The following SLC30A9 variants were observed in gnomAD, a reference collection of about 807,000 sequenced individuals.
SLC30A9 encodes proton-coupled zinc antiporter SLC30A9, mitochondrial.
Under a neutral mutation model 87.5 loss-of-function variants are expected in SLC30A9, and 58 were observed. The observed-to-expected ratio is 0.66, with a 90% CI of 0.54 to 0.82. SLC30A9 has a LOEUF of 0.82. SLC30A9 is among the 40% of genes least tolerant of loss of function. SLC30A9 has a pLI of 0.00. For synonymous variants in SLC30A9, 234 were observed against 233.0 expected (o/e 1.00, Z -0.04); for missense variants, 557 against 679.1 (o/e 0.82, Z 2.00).
chr4:42,073,026 G>T (rs1316590905), intron 15 of SLC30A9, among the ~76,000 whole-genome samples: 1 of 149,984 alleles, frequency 6.7e-6, no homozygotes, highest in Non-Finnish European at 1.5e-5. Flanking sequence ...TGGCCATGTT[G>T]GCCAGGCTGG....
At chr4:42,026,793 C>T (rs996212597) in intron 6 of SLC30A9, among the ~76,000 whole-genome samples, 1 of 151,392 alleles carries the variant, frequency 6.6e-6, no homozygotes, top group Admixed American at 6.6e-5. Flanking sequence ...GAACTAACTG[C>T]CAGTTCATTT....
intron 1 of SLC30A9, among the ~76,000 whole-genome samples, chr4:41,997,159 C>CAAA (rs5857827): frequency 6.8e-5 from 10 of 147,362 alleles, no homozygotes; most frequent in African/African-American, 2.5e-4. Context: ...TTTCCTAACT[C>CAAA]AAAAAAAAAA....
intron 1 of SLC30A9, among the ~76,000 whole-genome samples, chr4:41,999,778 A>G (rs1027650467): frequency 1.4e-4 from 21 of 152,296 alleles, no homozygotes; most frequent in African/African-American, 4.8e-4. Context: ...TTCACATAGA[A>G]ACTGGAAAAA....
intron 14 of SLC30A9, among the ~76,000 whole-genome samples, chr4:42,069,261 TATGTA>T (rs1718208127): frequency 6.6e-6 from 1 of 152,234 alleles, no homozygotes; most frequent in Admixed American, 6.5e-5. Flanking sequence ...TTTACAAAAA[TATGTA>T]ATGTGTTTTA....
chr4:42,028,683 A>G (rs555071720), intron 6 of SLC30A9, among the ~76,000 whole-genome samples: 1 of 152,338 alleles, frequency 6.6e-6, no homozygotes, highest in Non-Finnish European at 1.5e-5. Flanking sequence ...CAATAGTATC[A>G]CCTTTGAACT....
At chr4:42,041,777 G>A (rs982785773) in intron 8 of SLC30A9, among the ~76,000 whole-genome samples, 3 of 152,178 alleles carry the variant, frequency 2.0e-5, no homozygotes, top group Admixed American at 6.5e-5. Context: ...CAAGATGGCT[G>A]GATAGGAACA....
At chr4:42,003,730 C>T (rs1715077384) in intron 2 of SLC30A9, among the ~76,000 whole-genome samples, 1 of 150,770 alleles carries the variant, frequency 6.6e-6, no homozygotes, top group Admixed American at 6.7e-5. Context: ...TATCATGTTT[C>T]CTTGTCCTGT....
chr4:41,998,650 G>A (rs1714844924), intron 1 of SLC30A9, among the ~76,000 whole-genome samples: 1 of 152,002 alleles, frequency 6.6e-6, no homozygotes, highest in South Asian at 2.1e-4. Flanking sequence ...ATTTTTAGTA[G>A]AGATGGGGTT....
intron 9 of SLC30A9, 21 bp downstream of exon 9, chr4:42,049,500 TA>T: frequency 7.6e-7 from 1 of 1,308,298 alleles, no homozygotes; most frequent in East Asian, 2.4e-5. Flanking sequence ...AAGCTTTTTT[TA>T]TAAGTCAATT....
intron 2 of SLC30A9, among the ~76,000 whole-genome samples, chr4:42,006,017 T>C (rs533503929): frequency 8.1e-4 from 124 of 152,360 alleles, no homozygotes; most frequent in Non-Finnish European, 1.6e-3. Flanking sequence ...GCTGCATCTG[T>C]ACTGAACATA....
rs1253072876 is a variant in SLC30A9, at chr4:42,088,195, A to C, written c.*2069A>C. ...CATAAAGGAGTACAACATATCAAGG[A>C]ATTTGAGTATTTATGTGGAATCAGG... is the stretch of plus-strand genomic sequence containing the variant. On this transcript the variant is annotated 3_prime_UTR_variant, in exon 18 of 18. Transcript: ENST00000264451. 1 of 152,196 alleles carries C rather than the reference A, an allele frequency of 6.6e-6. No homozygotes were observed. The highest frequency in any genetic ancestry group is 1.5e-5 in the Non-Finnish European group (1 of 68,034). 9.4% of individuals were successfully genotyped at this position (152,196 alleles called of 1,614,324 possible).
Position 42,086,940 on chromosome 4 carries a change from A to G in SLC30A9, c.*814A>G, listed in dbSNP as rs73812718. The G allele has an allele frequency of 6.4e-3, 973 of 152,260 alleles. 13 individuals are homozygous for G. The highest frequency in any genetic ancestry group is 0.023 in the African/African-American group (936 of 41,552). 9.4% of individuals were successfully genotyped at this position (152,260 alleles called of 1,614,324 possible). ...CATAATGTTTATTTACTGGAAGATA[A>G]TGCATTTATAAGCATTTTAAAATTC... On this transcript the variant is annotated 3_prime_UTR_variant, in exon 18 of 18. Transcript: ENST00000264451.
chr4:42,068,423 A>T lies in SLC30A9; in HGVS notation c.1252+1231A>T, dbSNP rs561570067. Among the ~76,000 whole-genome samples, 12 of 151,696 alleles carry T rather than the reference A, an allele frequency of 7.9e-5. No individual in the cohort carries two copies. In the South Asian group the frequency reaches 2.5e-3, roughly 32 times the overall value. On this transcript the variant is annotated intron_variant, in intron 14 of 17. Transcript: ENST00000264451. ...CACGCCCGGCTAGTTTTGTATTTTC[A>T]TTAGAGACGGGGTTTCTCCATATTG...
intron 17 of SLC30A9, among the ~76,000 whole-genome samples, chr4:42,081,058 T>C (rs1560563142): frequency 6.6e-6 from 1 of 152,234 alleles, no homozygotes; most frequent in Non-Finnish European, 1.5e-5. Context: ...AAGACTCATT[T>C]TGTTCATTTT....
chr4:42,034,866 A>G (rs1716614025), intron 6 of SLC30A9, among the ~76,000 whole-genome samples: 1 of 152,194 alleles, frequency 6.6e-6, no homozygotes, highest in South Asian at 2.1e-4. Context: ...TTTTTTCCAT[A>G]ACAATTGCAC....
chr4:42,063,640 T>A (rs918019925), intron 11 of SLC30A9, among the ~76,000 whole-genome samples: 1 of 152,182 alleles, frequency 6.6e-6, no homozygotes, highest in Non-Finnish European at 1.5e-5. Context: ...TCTCTCCTAT[T>A]CCCTGGAAAG....
intron 4 of SLC30A9, chr4:42,020,787 T>G (rs1715914697): frequency 3.6e-6 from 1 of 279,342 alleles, no homozygotes; most frequent in Non-Finnish European, 6.6e-6. Context: ...ACAAGAATCT[T>G]AGGAGTTAAA....
intron 15 of SLC30A9, 140 bp downstream of exon 15, chr4:42,070,831 T>C (rs551514328): frequency 2.9e-5 from 17 of 589,310 alleles, no homozygotes; most frequent in African/African-American, 2.8e-4. Context: ...TTCAGAATTA[T>C]AATCCTGGAA....
chr4:42,044,279 G>A (rs1577704833), intron 8 of SLC30A9, among the ~76,000 whole-genome samples: 1 of 150,754 alleles, frequency 6.6e-6, no homozygotes, highest in East Asian at 1.9e-4. Flanking sequence ...TGGATAAAGA[G>A]TCAAGACCCA....
Sources: gnomAD v4.1 joint callset for allele counts (sites outside exome capture counted in the v4.1 genomes callset) on GRCh38, gnomAD v4.1.1 for gene constraint, MANE v1.5 for transcripts, NCBI Gene and HGNC (gene_info 2026-07-23, HGNC 2026-07-21) for gene names.